Variants in EPB41L3 observed in about 807,000 individuals in gnomAD.
EPB41L3 encodes the protein erythrocyte membrane protein band 4.1 like 3.
In EPB41L3, 57 loss-of-function variants were observed where a neutral mutation model predicts 127.1. The ratio of observed to expected loss-of-function variants is 0.45; its 90% CI spans 0.36 to 0.56. The LOEUF (loss-of-function observed/expected upper bound fraction) is 0.56. Among genes scored for constraint, EPB41L3 ranks in the 20% least tolerant of loss-of-function variants. EPB41L3 has a pLI of 0.00. For synonymous variants in EPB41L3, 572 were observed against 549.5 expected, an observed-to-expected ratio of 1.04 and a Z score of -0.57; for missense variants, 1,273 against 1,372.2, an observed-to-expected ratio of 0.93 and a Z score of 1.14.
At chr18:5,609,475 C>CT (rs760997563) in intron 3 of EPB41L3, among the ~76,000 whole-genome samples, 1 of 152,164 alleles carries the variant, frequency 6.6e-6, no homozygotes, top group Non-Finnish European at 1.5e-5. Context: ...AGGCCTGGCC[C>CT]TGCATGCAAA....
chr18:5,503,262 A>C (rs2091894177), intron 1 of EPB41L3, among the ~76,000 whole-genome samples: 1 of 152,206 alleles, frequency 6.6e-6, no homozygotes, highest in African/African-American at 2.4e-5. Flanking sequence ...ACACCTAACT[A>C]TTCATCCTAC....
intron 2 of EPB41L3, among the ~76,000 whole-genome samples, chr18:5,613,050 C>T (rs1270353819): frequency 6.6e-6 from 1 of 152,142 alleles, no homozygotes; most frequent in African/African-American, 2.4e-5. Flanking sequence ...TGTTTCCAAA[C>T]AACTTCTGCC....
chr18:5,506,575 T>C lies in EPB41L3; in HGVS notation c.-11-17381A>G, dbSNP rs112862546. Among the ~76,000 whole-genome samples, 1,029 of 152,240 alleles carry C rather than the reference T, an allele frequency of 6.8e-3. 10 individuals are homozygous for C. The highest frequency in any genetic ancestry group is 0.023 in the African/African-American group (973 of 41,558). On this transcript the variant is annotated intron_variant, in intron 1 of 22. Coordinates refer to ENST00000341928, the MANE Select transcript of EPB41L3 (RefSeq NM_012307.5). The stretch of plus-strand genomic sequence containing the variant: ...TCCCTAATACCCATCACTAGTCCAA[T>C]ACGCTACCTACTTCAGCTGCTTACT...
In EPB41L3 at chr18:5,482,385, T is replaced by C. The variant is rs112643095; in HGVS notation, c.184-3947A>G. On this transcript the variant is annotated intron_variant, in intron 2 of 22. Coordinates refer to ENST00000341928, the MANE Select transcript of EPB41L3 (RefSeq NM_012307.5). ...GAAAATTACCTCAAAAGACCAAACC[T>C]AAGAATTATTGGTATTCAGGAGGCA... Among the ~76,000 whole-genome samples the C allele has an allele frequency of 3.0e-3, 449 of 152,162 alleles. 2 individuals carry two copies. The highest frequency in any genetic ancestry group is 0.01 in the African/African-American group (423 of 41,532).
chr18:5,433,383 G>A, intron 8 of EPB41L3, 86 bp downstream of exon 8: 1 of 918,172 alleles, frequency 1.1e-6, no homozygotes, highest in South Asian at 1.6e-5. Context: ...TACATTAACT[G>A]AAGTAAAAAT....
At chr18:5,436,836 T>C (rs2079912438) in intron 6 of EPB41L3, among the ~76,000 whole-genome samples, 1 of 152,238 alleles carries the variant, frequency 6.6e-6, no homozygotes, top group African/African-American at 2.4e-5. Flanking sequence ...TTTCTCTGAT[T>C]TATTGCAATA....
At chr18:5,412,209 ATTTT>A (rs1212863117) in intron 13 of EPB41L3, among the ~76,000 whole-genome samples, 1 of 151,964 alleles carries the variant, frequency 6.6e-6, no homozygotes, top group Non-Finnish European at 1.5e-5. Context: ...TTAGTGTTTT[ATTTT>A]TTTAGACAGG....
At chr18:5,511,098 C>T (rs1568462000) in intron 1 of EPB41L3, among the ~76,000 whole-genome samples, 1 of 152,030 alleles carries the variant, frequency 6.6e-6, no homozygotes, top group Non-Finnish European at 1.5e-5. Flanking sequence ...GAGCAAAGAA[C>T]AAAGTCATTT....
intron 1 of EPB41L3, among the ~76,000 whole-genome samples, chr18:5,517,701 G>A (rs2092806680): frequency 6.6e-6 from 1 of 152,120 alleles, no homozygotes; most frequent in Non-Finnish European, 1.5e-5. Context: ...ACCTCCCAAA[G>A]TGTTGAGATT....
intron 3 of EPB41L3, among the ~76,000 whole-genome samples, chr18:5,453,028 C>T (rs553474886): frequency 1.3e-5 from 2 of 152,290 alleles, no homozygotes; most frequent in East Asian, 3.9e-4. Context: ...CTCCTTGGCA[C>T]AGCTTTCTCC....
intron 3 of EPB41L3, among the ~76,000 whole-genome samples, chr18:5,580,615 C>G (rs959846116): frequency 6.6e-6 from 1 of 152,078 alleles, no homozygotes; most frequent in African/African-American, 2.4e-5. Context: ...CATATTCATA[C>G]ACACATATAT....
chr18:5,469,321 C>T (rs924163630), intron 3 of EPB41L3, among the ~76,000 whole-genome samples: 1 of 152,194 alleles, frequency 6.6e-6, no homozygotes, highest in Non-Finnish European at 1.5e-5. Flanking sequence ...CACTGCGTTC[C>T]CCTTGTCCAG....
intron 2 of EPB41L3, among the ~76,000 whole-genome samples, chr18:5,486,076 C>T (rs2089696009): frequency 6.6e-6 from 1 of 152,112 alleles, no homozygotes; most frequent in African/African-American, 2.4e-5. Flanking sequence ...TATCATACTA[C>T]CTGACTTCAA....
intron 18 of EPB41L3, 109 bp downstream of exon 18, chr18:5,396,949 G>T: frequency 8.6e-7 from 1 of 1,161,888 alleles, no homozygotes; most frequent in Non-Finnish European, 1.2e-6. Context: ...CACTATACAT[G>T]GGAGAGGCAG....
rs1461283383 is a variant in EPB41L3, at chr18:5,561,116, T to C, written c.-306+51224A>G. Reference sequence around the variant, plus strand: ...CCTCAGCCTCCCGAGTAGCTGGGACTACAGGCGCCCGCCACTACGCCCGGC... The same window carrying C: ...CCTCAGCCTCCCGAGTAGCTGGGACCACAGGCGCCCGCCACTACGCCCGGC... On this transcript the variant is annotated intron_variant, in intron 3 of 21. Transcript: ENST00000545076. 8.0e-5 allele frequency among the ~76,000 whole-genome samples: 12 copies of C among 149,196 alleles called. 1 individual carries two copies. The highest frequency in any genetic ancestry group is 3.4e-3 in the Middle Eastern group (1 of 290).
rs1468509230 is a variant in EPB41L3, at chr18:5,393,257, C to T, written c.*228G>A. ...AAATGCTGCTCTTTTGTAATTTTAT[C>T]GTTGCTTCATGCATTATCGGTTTAG... On this transcript the variant is annotated 3_prime_UTR_variant, in exon 23 of 23. Transcript: ENST00000341928. 1.2e-5 allele frequency: 5 copies of T among 425,438 alleles called. No homozygotes were observed. In the East Asian group the frequency reaches 1.4e-4, roughly 12 times the overall value. The allele number at this position is 425,438 out of a possible 1,614,324, so 26.4% of individuals were successfully genotyped here.
chr18:5,596,499 G>A (rs1428795790), intron 3 of EPB41L3, among the ~76,000 whole-genome samples: 2 of 152,128 alleles, frequency 1.3e-5, no homozygotes, highest in African/African-American at 2.4e-5. Context: ...TTCTTAAGCA[G>A]GTCTCCTATG....
chr18:5,428,500 T>A, intron 8 of EPB41L3, 35 bp from the exon 9 acceptor site: 10 of 1,607,786 alleles, frequency 6.2e-6, no homozygotes, highest in Non-Finnish European at 8.5e-6. Context: ...CAGATCAGTA[T>A]CTAACTTATT....
intron 3 of EPB41L3, among the ~76,000 whole-genome samples, chr18:5,457,428 A>G (rs772915563): frequency 3.6e-4 from 55 of 151,310 alleles, no homozygotes; most frequent in Admixed American, 6.6e-4. Flanking sequence ...CCTTGCTTTC[A>G]TCTGGTGGAA....
Sources: gnomAD v4.1 joint callset for allele counts (sites outside exome capture counted in the v4.1 genomes callset) on GRCh38, gnomAD v4.1.1 for gene constraint, MANE v1.5 for transcripts, NCBI Gene and HGNC (gene_info 2026-07-23, HGNC 2026-07-21) for gene names.